The following IFI44L variants were observed in gnomAD, a reference collection of about 807,000 sequenced individuals.
IFI44L encodes the protein interferon-induced protein 44-like.
A neutral mutation model predicts 39.3 loss-of-function variants in IFI44L; 40 were observed. The ratio of observed to expected loss-of-function variants is 1.02; its 90% CI spans 0.79 to 1.33. The LOEUF (loss-of-function observed/expected upper bound fraction) is 1.33. Among genes scored for constraint, IFI44L ranks in the 40% most tolerant of loss-of-function variants. IFI44L has a pLI of 0.00. For synonymous variants in IFI44L, 198 were observed against 182.3 expected, an observed-to-expected ratio of 1.09 and a Z score of -0.69; for missense variants, 623 against 549.0, an observed-to-expected ratio of 1.13 and a Z score of -1.35.
At position 78,629,764 on chromosome 1, in the gene IFI44L, A is replaced by G. The variant is rs1652671709; in HGVS notation, c.572A>G (p.Tyr191Cys). The stretch of plus-strand genomic sequence containing the variant: ...GCAGACATCAGAGACTATAGGCCCT[A>G]TGCAGACTTGGTTTCAGAAATTCGT... Reference protein sequence around the residue: ...LLADIRDYRPYADLVSEIRIL... With the variant: ...LLADIRDYRPCADLVSEIRIL... Residue 191 changes from tyrosine (Y) to cysteine (C), a missense_variant, in exon 4 of 9, where the codon TAT (tyrosine) becomes TGT (cysteine). Tyr to Cys is a radical substitution (Grantham distance 194). Transcript: ENST00000370751. 2.5e-6 allele frequency: 4 copies of G among 1,613,780 alleles called. No homozygotes were observed. The highest frequency in any genetic ancestry group is 1.7e-4 in the Middle Eastern group (1 of 6,058).
chr1:78,642,095 T>A lies in IFI44L; in HGVS notation c.*286T>A, dbSNP rs1646994056. ...AATGAGATATTCTCTAATTTATTCT[T>A]CTATAACACTCTATATAGAGCTATG... On this transcript the variant is annotated 3_prime_UTR_variant, in exon 9 of 9. Transcript: ENST00000370751. 1 of 494,354 alleles carries A rather than the reference T, an allele frequency of 2.0e-6. No homozygotes were observed. 30.6% of individuals were successfully genotyped at this position (494,354 alleles called of 1,614,324 possible). A position where few individuals can be genotyped will look rare whatever the true frequency, so the allele number is the denominator to read the frequency against.
chr1:78,623,672 A>T (rs1199844752), intron 1 of IFI44L, among the ~76,000 whole-genome samples: 1 of 152,162 alleles, frequency 6.6e-6, no homozygotes, highest in Non-Finnish European at 1.5e-5. Flanking sequence ...CTGAATCCAA[A>T]TGCCTGAGAA....
chr1:78,625,997 T>A (rs554520288), intron 1 of IFI44L: 85 of 151,894 alleles, frequency 5.6e-4, no homozygotes, highest in African/African-American at 1.9e-3. Flanking sequence ...ACTTTGAAAA[T>A]TTTTGAGACT....
chr1:78,631,620 A>G (rs1652752100), intron 4 of IFI44L: 2 of 152,288 alleles, frequency 1.3e-5, no homozygotes, highest in South Asian at 4.1e-4. Context: ...CATCAAATAA[A>G]ATACTTTCAG....
intron 5 of IFI44L, chr1:78,635,700 G>A (rs553027365): frequency 1.6e-5 from 9 of 554,374 alleles, no homozygotes; most frequent in Middle Eastern, 4.8e-4. Context: ...CAAAAGGCAG[G>A]ATTCTACTCA....
rs370351484 is a variant in IFI44L, at chr1:78,643,410, A to G, written c.*1601A>G. 2.0e-5 allele frequency: 3 copies of G among 152,156 alleles called. No homozygotes were observed. The highest frequency in any genetic ancestry group is 7.2e-5 in the African/African-American group (3 of 41,448). The allele number at this position is 152,156 out of a possible 1,614,324, so 9.4% of individuals were successfully genotyped here. A position where few individuals can be genotyped will look rare whatever the true frequency, so the allele number is the denominator to read the frequency against. ...TGCACAGTAACACACCAATATACCA[A>G]AACAGCAGGTATTGCAGTAGAGAAA... On this transcript the variant is annotated 3_prime_UTR_variant, in exon 9 of 9. Transcript: ENST00000370751.
At position 78,642,002 on chromosome 1, in the gene IFI44L, A is replaced by T; in HGVS notation, c.*193A>T. Reference sequence around the variant, plus strand: ...GCTAAGATAGGTCCTACTGCAAACCACCCCTCCATATTTCCGTACCATTTA... The same window carrying T: ...GCTAAGATAGGTCCTACTGCAAACCTCCCCTCCATATTTCCGTACCATTTA... On this transcript the variant is annotated 3_prime_UTR_variant, in exon 9 of 9. Transcript: ENST00000370751. 2 of 630,388 alleles carry T rather than the reference A, an allele frequency of 3.2e-6. No homozygotes were observed. The highest frequency in any genetic ancestry group is 5.4e-5 in the East Asian group (2 of 37,374). The allele number at this position is 630,388 out of a possible 1,614,324, so 39.0% of individuals were successfully genotyped here. A position where few individuals can be genotyped will look rare whatever the true frequency, so the allele number is the denominator to read the frequency against.
chr1:78,637,107 T>C lies in IFI44L; in HGVS notation c.952T>C (p.Cys318Arg). Residue 318 changes from cysteine (C) to arginine (R), a missense_variant, in exon 6 of 9, where the codon TGT becomes CGT. Physicochemically the swap from Cys to Arg is radical, Grantham distance 180. Coordinates refer to ENST00000370751, the MANE Select transcript of IFI44L (RefSeq NM_006820.4). Reference sequence around the variant, plus strand: ...TCCATCTCTGAAGGACAGGATTCACTGTGTGGCTTATGTCTTAGACATCAA... The same window carrying C: ...TCCATCTCTGAAGGACAGGATTCACCGTGTGGCTTATGTCTTAGACATCAA... ...TSPSLKDRIH[C>R]VAYVLDINSI... 2 of 1,611,360 alleles carry C rather than the reference T, an allele frequency of 1.2e-6. No homozygotes were observed. The highest frequency in any genetic ancestry group is 1.7e-6 in the Non-Finnish European group (2 of 1,178,078).
At position 78,641,455 on chromosome 1, in the gene IFI44L, G is replaced by C. The variant is rs35466823; in HGVS notation, c.1170G>C (p.Met390Ile). ...CACAGGTCATGAATGTCCATAAAAT[G>C]CTAGGCATTCCTATTTCCAATATTT... is the stretch of plus-strand genomic sequence containing the variant. ...SQSRVMNVHK[M>I]LGIPISNILM... Residue 390 changes from methionine to isoleucine, a missense_variant, in exon 8 of 9, where the codon ATG becomes ATC. By Grantham distance (10) the Met-to-Ile change is conservative. Coordinates refer to ENST00000370751, the MANE Select transcript of IFI44L (RefSeq NM_006820.4). 6.2e-7 allele frequency: 1 copy of C among 1,613,164 alleles called. No homozygotes were observed. Among genetic ancestry groups the C allele is most frequent in the Non-Finnish European group, 8.5e-7 (1 of 1,179,450 alleles).
chr1:78,621,879 CAG>C (rs1652290270), intron 1 of IFI44L, among the ~76,000 whole-genome samples: 1 of 151,996 alleles, frequency 6.6e-6, no homozygotes, highest in South Asian at 2.1e-4. Flanking sequence ...ATGATCAAGT[CAG>C]GGTATTTGTG....
chr1:78,622,655 C>A (rs1652318952), intron 1 of IFI44L, among the ~76,000 whole-genome samples: 1 of 152,094 alleles, frequency 6.6e-6, no homozygotes, highest in Non-Finnish European at 1.5e-5. Flanking sequence ...GTCTGCTATG[C>A]TAGGAGATTC....
intron 4 of IFI44L, among the ~76,000 whole-genome samples, chr1:78,632,156 T>C (rs1570359353): frequency 6.6e-6 from 1 of 152,178 alleles, no homozygotes; most frequent in Non-Finnish European, 1.5e-5. Flanking sequence ...TCATTTTTAC[T>C]GGACAGCACA....
At chr1:78,634,220 G>A (rs1435648377) in intron 4 of IFI44L, among the ~76,000 whole-genome samples, 1 of 152,054 alleles carries the variant, frequency 6.6e-6, no homozygotes, top group Non-Finnish European at 1.5e-5. Context: ...GTAAAACTGA[G>A]AGAAAAGTCC....
At chr1:78,637,988 T>A (rs772973248) in intron 6 of IFI44L, among the ~76,000 whole-genome samples, 4 of 152,092 alleles carry the variant, frequency 2.6e-5, no homozygotes, top group Admixed American at 6.6e-5. Context: ...TAACTGTATG[T>A]TTAGCTTTGA....
intron 4 of IFI44L, among the ~76,000 whole-genome samples, chr1:78,633,275 A>T (rs1652821839): frequency 6.6e-6 from 1 of 152,112 alleles, no homozygotes; most frequent in Non-Finnish European, 1.5e-5. Flanking sequence ...AAAATCCAGC[A>T]CTGGATAGAA....
chr1:78,630,126 A>G, intron 4 of IFI44L: 1 of 506,176 alleles, frequency 2.0e-6, no homozygotes, highest in Non-Finnish European at 3.6e-6. Context: ...CAGTTATATA[A>G]AGAATACTTT....
At position 78,644,024 on chromosome 1, in the gene IFI44L, C is replaced by T. The variant is rs979317667; in HGVS notation, c.*2215C>T. 1.3e-5 allele frequency: 2 copies of T among 152,038 alleles called. No homozygotes were observed. The highest frequency in any genetic ancestry group is 6.6e-5 in the Admixed American group (1 of 15,262). The allele number at this position is 152,038 out of a possible 1,614,324, so 9.4% of individuals were successfully genotyped here. On this transcript the variant is annotated 3_prime_UTR_variant, in exon 9 of 9. Transcript: ENST00000370751. ...TTAGGATGGTTTCACAGTTACCATACAAATGTAGAAGCAACAGGTCCAAAA... is the reference window on the plus strand; with the variant it reads ...TTAGGATGGTTTCACAGTTACCATATAAATGTAGAAGCAACAGGTCCAAAA...
At chr1:78,632,551 T>C (rs1652787336) in intron 4 of IFI44L, among the ~76,000 whole-genome samples, 1 of 152,224 alleles carries the variant, frequency 6.6e-6, no homozygotes, top group Non-Finnish European at 1.5e-5. Flanking sequence ...ATGGATTTAA[T>C]GTGGCAGCAT....
At chr1:78,637,925 A>C (rs1653013095) in intron 6 of IFI44L, among the ~76,000 whole-genome samples, 2 of 152,086 alleles carry the variant, frequency 1.3e-5, no homozygotes, top group Non-Finnish European at 2.9e-5. Context: ...TGTGGATATA[A>C]GTTTTTATTC....
Sources: allele counts gnomAD v4.1 joint callset (sites outside exome capture counted in the v4.1 genomes callset), GRCh38; gene constraint gnomAD v4.1.1; transcripts MANE v1.5; gene names NCBI Gene and HGNC (gene_info 2026-07-23, HGNC 2026-07-21).